Variants in PDE4D observed in about 807,000 individuals in gnomAD.
PDE4D encodes 3',5'-cyclic-AMP phosphodiesterase 4D.
A neutral mutation model predicts 87.4 loss-of-function variants in PDE4D; 24 were observed. The ratio of observed to expected loss-of-function variants is 0.27; its 90% CI spans 0.20 to 0.39. The LOEUF is 0.39. Among genes scored for constraint, PDE4D ranks in the 10% least tolerant of loss-of-function variants. PDE4D has a pLI of 1.00. For missense variants in PDE4D, 714 were observed against 1,041.0 expected (o/e 0.69, Z 4.32); for synonymous variants, 384 against 383.2 (o/e 1.00, Z -0.02).
intron 2 of PDE4D, among the ~76,000 whole-genome samples, chr5:59,994,110 A>AT (rs922689666): frequency 6.6e-6 from 1 of 151,090 alleles, no homozygotes; most frequent in Non-Finnish European, 1.5e-5. Flanking sequence ...TCTTTGTTTA[A>AT]TTTTTTTTCT....
At chr5:59,923,837 C>CA (rs1483387536) in intron 3 of PDE4D, among the ~76,000 whole-genome samples, 1 of 152,170 alleles carries the variant, frequency 6.6e-6, no homozygotes, top group Non-Finnish European at 1.5e-5. Context: ...GATGAACACG[C>CA]ACAAGCATCA....
intron 1 of PDE4D, among the ~76,000 whole-genome samples, chr5:59,291,689 C>T (rs368373458): frequency 2.7e-5 from 4 of 150,100 alleles, no homozygotes; most frequent in Admixed American, 6.6e-5. Flanking sequence ...CAAATATATA[C>T]ACCTACTATG....
At chr5:60,187,877 A>T (rs2149514821) in intron 1 of PDE4D, among the ~76,000 whole-genome samples, 1 of 152,314 alleles carries the variant, frequency 6.6e-6, no homozygotes, top group African/African-American at 2.4e-5. Context: ...TATTTGATTT[A>T]TCTGAACTTT....
At chr5:60,163,912 C>T (rs1425009008) in intron 2 of PDE4D, among the ~76,000 whole-genome samples, 1 of 152,170 alleles carries the variant, frequency 6.6e-6, no homozygotes, top group African/African-American at 2.4e-5. Context: ...AATCTGTACA[C>T]ACCACAAATG....
At chr5:60,402,564 C>T (rs999806338) in intron 1 of PDE4D, among the ~76,000 whole-genome samples, 1 of 152,180 alleles carries the variant, frequency 6.6e-6, no homozygotes, top group African/African-American at 2.4e-5. Context: ...TAGCTTCTGG[C>T]AGTCCGTGGT....
chr5:59,489,689 T>C (rs551921343), intron 1 of PDE4D, among the ~76,000 whole-genome samples: 45 of 152,322 alleles, frequency 3.0e-4, no homozygotes, highest in Admixed American at 7.2e-4. Context: ...GAATCCTTAT[T>C]TGTTTCCTTG....
intron 1 of PDE4D, among the ~76,000 whole-genome samples, chr5:59,520,964 C>T (rs1170646807): frequency 3.3e-5 from 5 of 151,652 alleles, no homozygotes; most frequent in African/African-American, 9.7e-5. Context: ...TATGAAATTC[C>T]TCAATTTCAA....
At chr5:60,057,180 A>G (rs1024540426) in intron 2 of PDE4D, among the ~76,000 whole-genome samples, 1 of 152,084 alleles carries the variant, frequency 6.6e-6, no homozygotes, top group African/African-American at 2.4e-5. Flanking sequence ...AGATATTTAG[A>G]TGATGAAAGT....
intron 1 of PDE4D, among the ~76,000 whole-genome samples, chr5:59,456,337 A>G (rs1407164913): frequency 6.6e-6 from 1 of 152,150 alleles, no homozygotes; most frequent in East Asian, 1.9e-4. Context: ...ATGGCTTTAA[A>G]AATGGGAGTT....
intron 1 of PDE4D, among the ~76,000 whole-genome samples, chr5:59,782,790 T>C (rs1217423741): frequency 6.6e-6 from 1 of 152,126 alleles, no homozygotes; most frequent in African/African-American, 2.4e-5. Flanking sequence ...TAACAACTCA[T>C]GAGAATTTTA....
In PDE4D at chr5:60,185,016, T is replaced by C. The variant is rs191421108; in HGVS notation, c.42+541A>G. Among the ~76,000 whole-genome samples, 133 of 152,272 alleles carry C rather than the reference T, an allele frequency of 8.7e-4. 2 individuals are homozygous for C. Among genetic ancestry groups the C allele is most frequent in the Admixed American group, 2.7e-3 (42 of 15,296 alleles). ...CATGACTGTGGTACCTTAAGAACACTACATAATTGGAAATAAGGTTTAACC... is the reference window on the plus strand; with the variant it reads ...CATGACTGTGGTACCTTAAGAACACCACATAATTGGAAATAAGGTTTAACC... On this transcript the variant is annotated intron_variant, in intron 2 of 16. Transcript: ENST00000502484.
intron 3 of PDE4D, among the ~76,000 whole-genome samples, chr5:59,935,434 T>C (rs968156999): frequency 6.6e-6 from 1 of 152,022 alleles, no homozygotes. Flanking sequence ...CCTCATTTGA[T>C]AAAAAAGGGG....
At chr5:59,840,032 C>T (rs1561747162) in intron 1 of PDE4D, among the ~76,000 whole-genome samples, 1 of 151,972 alleles carries the variant, frequency 6.6e-6, no homozygotes, top group Non-Finnish European at 1.5e-5. Flanking sequence ...ATTATCAGGC[C>T]ATCTTCCAAC....
At chr5:59,247,069 T>A (rs1437478749) in intron 1 of PDE4D, among the ~76,000 whole-genome samples, 2 of 152,176 alleles carry the variant, frequency 1.3e-5, no homozygotes, top group African/African-American at 4.8e-5. Context: ...ACCAATATAA[T>A]ATGGTTTTCA....
chr5:60,044,174 G>C (rs1350147057), intron 2 of PDE4D, among the ~76,000 whole-genome samples: 3 of 151,782 alleles, frequency 2.0e-5, no homozygotes, highest in African/African-American at 4.8e-5. Flanking sequence ...TCTAATACAA[G>C]ACATGATAAA....
At chr5:59,500,045 C>T (rs1808012506) in intron 1 of PDE4D, among the ~76,000 whole-genome samples, 1 of 151,976 alleles carries the variant, frequency 6.6e-6, no homozygotes, top group Non-Finnish European at 1.5e-5. Context: ...CCACACTCAA[C>T]CAATGAGATA....
At chr5:60,464,979 C>T (rs1363790983) in intron 1 of PDE4D, among the ~76,000 whole-genome samples, 2 of 152,040 alleles carry the variant, frequency 1.3e-5, no homozygotes, top group African/African-American at 2.4e-5. Context: ...CATGGTGGCA[C>T]ATGCCTGTAG....
At chr5:59,531,912 T>C (rs79364791) in intron 1 of PDE4D, among the ~76,000 whole-genome samples, 2,724 of 152,314 alleles carry the variant, frequency 0.018, 35 homozygotes, top group Non-Finnish European at 0.029. Context: ...GCAGGGGCTA[T>C]TATTTTGCCT....
intron 1 of PDE4D, among the ~76,000 whole-genome samples, chr5:60,233,070 A>T (rs1040488920): frequency 3.3e-5 from 5 of 151,790 alleles, no homozygotes; most frequent in African/African-American, 1.2e-4. Context: ...ATCCATATAA[A>T]TACCTCAAAG....
Sources: allele counts gnomAD v4.1 joint callset (sites outside exome capture counted in the v4.1 genomes callset), GRCh38; gene constraint gnomAD v4.1.1; transcripts MANE v1.5; gene names NCBI Gene and HGNC (gene_info 2026-07-23, HGNC 2026-07-21).